The following NBEA variants were observed in gnomAD, a reference collection of about 807,000 sequenced individuals.
NBEA encodes the protein neurobeachin.
Under a neutral mutation model 343.4 loss-of-function variants are expected in NBEA, and 44 were observed. The ratio of observed to expected loss-of-function variants is 0.13; its 90% CI spans 0.10 to 0.16. NBEA has a LOEUF of 0.16. Among genes scored for constraint, NBEA ranks in the 10% least tolerant of loss-of-function variants. The pLI, the probability that NBEA is intolerant of heterozygous loss-of-function variation, is 1.00. For synonymous variants in NBEA, 1,175 were observed against 1,238.7 expected (o/e 0.95, Z 1.08); for missense variants, 2,555 against 3,631.3 (o/e 0.70, Z 7.62).
chr13:35,399,973 A>G (rs1335002522), intron 38 of NBEA, among the ~76,000 whole-genome samples: 1 of 152,008 alleles, frequency 6.6e-6, no homozygotes, highest in African/African-American at 2.4e-5. Flanking sequence ...TTTATTGTTT[A>G]AATTTACCAA....
chr13:35,582,617 C>T lies in NBEA; in HGVS notation c.7036-1281C>T, dbSNP rs148371395. Reference sequence around the variant, plus strand: ...ACCTTAAAATATTAACACTTTTGTGCGTGAAAAATACAGCTTTTATATAAA... The same window carrying T: ...ACCTTAAAATATTAACACTTTTGTGTGTGAAAAATACAGCTTTTATATAAA... On this transcript the variant is annotated intron_variant, in intron 45 of 58. Transcript: ENST00000379939. Among the ~76,000 whole-genome samples, 449 of 152,072 alleles carry T rather than the reference C, an allele frequency of 3.0e-3. 1 individual carries two copies. Among genetic ancestry groups the T allele is most frequent in the Non-Finnish European group, 5.0e-3 (341 of 67,976 alleles).
At chr13:35,346,036 A>G (rs1375176813) in intron 36 of NBEA, among the ~76,000 whole-genome samples, 6 of 152,104 alleles carry the variant, frequency 3.9e-5, no homozygotes, top group Admixed American at 3.3e-4. Context: ...GGCAGAACTC[A>G]TAAGTGCCCA....
At chr13:35,092,457 A>G (rs1465401713) in intron 10 of NBEA, among the ~76,000 whole-genome samples, 1 of 152,052 alleles carries the variant, frequency 6.6e-6, no homozygotes, top group African/African-American at 2.4e-5. Context: ...AGATAACAGC[A>G]AATTGCTTAT....
Position 35,139,744 on chromosome 13 carries a change from G to GTTTTTTTTTTTTT in NBEA, c.2337-2509_2337-2497dup, listed in dbSNP as rs36117821. 5.1e-4 allele frequency among the ~76,000 whole-genome samples: 31 copies of GTTTTTTTTTTTTT among 61,112 alleles called. 2 individuals carry two copies. Among genetic ancestry groups the GTTTTTTTTTTTTT allele is most frequent in the Non-Finnish European group, 6.1e-4 (21 of 34,678 alleles). The allele number at this position is 61,112 out of a possible 152,430, so 40.1% of individuals were successfully genotyped here. ...TTTCCTGCCTAAGATGATGGATGGC[G>GTTTTTTTTTTTTT]TTTTTTTTTTTTTTTTTTTTTTTTT... On this transcript the variant is annotated intron_variant, in intron 17 of 58. Transcript: ENST00000379939.
chr13:35,572,740 GTTGTTGT>G (rs1183827432), intron 45 of NBEA, among the ~76,000 whole-genome samples: 1 of 151,818 alleles, frequency 6.6e-6, no homozygotes, highest in Non-Finnish European at 1.5e-5. Context: ...TGTTGTTGTT[GTTGTTGT>G]TTTTGAGATG....
At chr13:35,052,514 C>T (rs2063100458) in intron 6 of NBEA, among the ~76,000 whole-genome samples, 1 of 151,666 alleles carries the variant, frequency 6.6e-6, no homozygotes, top group Admixed American at 6.6e-5. Flanking sequence ...TTCCTTATTA[C>T]TGGTTGTGTC....
At chr13:35,048,374 T>C (rs2152562478) in intron 4 of NBEA, among the ~76,000 whole-genome samples, 189 bp from the exon 5 acceptor site, 1 of 152,118 alleles carries the variant, frequency 6.6e-6, no homozygotes, top group East Asian at 1.9e-4. Context: ...GTTTCTATAA[T>C]CAACAAATAC....
intron 26 of NBEA, 56 bp from the exon 27 acceptor site, chr13:35,173,408 C>T: frequency 1.4e-6 from 2 of 1,421,226 alleles, no homozygotes; most frequent in South Asian, 1.5e-5. Flanking sequence ...CAACTTTTTC[C>T]AGGATATCAA....
At chr13:35,631,145 C>G (rs1056574642) in intron 49 of NBEA, among the ~76,000 whole-genome samples, 3 of 152,306 alleles carry the variant, frequency 2.0e-5, no homozygotes, top group Middle Eastern at 3.4e-3. Context: ...ACCTCAGTTG[C>G]TCTCTCTGTA....
intron 17 of NBEA, among the ~76,000 whole-genome samples, chr13:35,140,709 A>T (rs1054600117): frequency 3.3e-5 from 5 of 152,128 alleles, no homozygotes; most frequent in African/African-American, 1.2e-4. Context: ...CTAATGTTAG[A>T]AGAGACCTTT....
chr13:35,168,109 G>A (rs1396036245), intron 24 of NBEA, among the ~76,000 whole-genome samples: 1 of 151,630 alleles, frequency 6.6e-6, no homozygotes, highest in Non-Finnish European at 1.5e-5. Flanking sequence ...TATGAATAAT[G>A]TTGTTGGTTT....
intron 31 of NBEA, among the ~76,000 whole-genome samples, chr13:35,203,124 A>G (rs2073133884): frequency 6.6e-6 from 1 of 152,158 alleles, no homozygotes; most frequent in African/African-American, 2.4e-5. Context: ...CAGCCAGAGT[A>G]GTCCTATTAT....
chr13:35,475,296 C>G lies in NBEA; in HGVS notation c.6585+2760C>G, dbSNP rs755507299. The stretch of plus-strand genomic sequence containing the variant: ...CCGACTCTCGGGGATGCTTTTCACA[C>G]TCGTAGGAAACCAGAGTCTTCATAT... On this transcript the variant is annotated intron_variant, in intron 41 of 58. Coordinates refer to ENST00000379939, the MANE Select transcript of NBEA (RefSeq NM_001385012.1). 2 of 1,614,068 alleles carry G rather than the reference C, an allele frequency of 1.2e-6. No individual in the cohort carries two copies. Among genetic ancestry groups the G allele is most frequent in the South Asian group, 2.2e-5 (2 of 91,068 alleles).
chr13:35,392,041 G>A (rs1422462442), intron 38 of NBEA, among the ~76,000 whole-genome samples: 2 of 151,980 alleles, frequency 1.3e-5, no homozygotes, highest in Admixed American at 6.6e-5. Flanking sequence ...ATTGCAGTCC[G>A]CTTGGTAGAA....
chr13:35,362,706 T>G (rs188112834), intron 38 of NBEA, among the ~76,000 whole-genome samples: 5 of 152,122 alleles, frequency 3.3e-5, no homozygotes, highest in Admixed American at 2.6e-4. Context: ...TGTTATAGTT[T>G]TATGAGAGCT....
At chr13:35,006,763 T>G (rs1261878577) in intron 1 of NBEA, among the ~76,000 whole-genome samples, 1 of 152,196 alleles carries the variant, frequency 6.6e-6, no homozygotes, top group Non-Finnish European at 1.5e-5. Context: ...GTTTTTAAAG[T>G]TTTTGAAAGA....
chr13:35,125,727 A>AAACC (rs1291412715), intron 17 of NBEA, among the ~76,000 whole-genome samples: 2 of 152,206 alleles, frequency 1.3e-5, no homozygotes, highest in Non-Finnish European at 2.9e-5. Context: ...AAATAAGTTA[A>AAACC]AGTAACCAGT....
At chr13:34,963,116 G>T (rs184920500) in intron 1 of NBEA, among the ~76,000 whole-genome samples, 156 of 152,076 alleles carry the variant, frequency 1.0e-3, no homozygotes, top group African/African-American at 3.6e-3. Context: ...TTATATTAAC[G>T]TGAGTCTCTT....
At chr13:35,359,538 T>C (rs1027066768) in intron 38 of NBEA, among the ~76,000 whole-genome samples, 4 of 152,066 alleles carry the variant, frequency 2.6e-5, no homozygotes, top group Non-Finnish European at 4.4e-5. Flanking sequence ...TAACATAAAA[T>C]CTCTTTTACA....
Sources: gnomAD v4.1 joint callset for allele counts (sites outside exome capture counted in the v4.1 genomes callset) on GRCh38, gnomAD v4.1.1 for gene constraint, MANE v1.5 for transcripts, NCBI Gene and HGNC (gene_info 2026-07-23, HGNC 2026-07-21) for gene names.